The following SLC39A11 variants were observed in gnomAD, a reference collection of about 807,000 sequenced individuals.
SLC39A11 encodes the protein solute carrier family 39 member 11.
Under a neutral mutation model 36.1 loss-of-function variants are expected in SLC39A11, and 33 were observed. That is an observed-to-expected ratio of 0.91 (90% CI 0.69 to 1.22). The LOEUF is 1.22. Ranked by LOEUF, SLC39A11 falls within the 50% of genes most tolerant of loss-of-function variation. The pLI, the probability that SLC39A11 is intolerant of heterozygous loss-of-function variation, is 0.00. For synonymous variants in SLC39A11, 166 were observed against 170.3 expected (o/e 0.97, Z 0.20); for missense variants, 432 against 430.3 (o/e 1.00, Z -0.03).
intron 5 of SLC39A11, among the ~76,000 whole-genome samples, chr17:72,884,530 T>A (rs2081360147): frequency 6.6e-6 from 1 of 152,230 alleles, no homozygotes; most frequent in Non-Finnish European, 1.5e-5. Flanking sequence ...AGTCACCCCA[T>A]TAAATTTACC....
chr17:73,005,267 C>T (rs567764751), intron 4 of SLC39A11, among the ~76,000 whole-genome samples: 2 of 152,288 alleles, frequency 1.3e-5, no homozygotes, highest in East Asian at 1.9e-4. Context: ...CGTGAGCCAC[C>T]GTGCCCGGCC....
At chr17:72,809,697 T>C (rs368561230) in intron 6 of SLC39A11, among the ~76,000 whole-genome samples, 1 of 152,208 alleles carries the variant, frequency 6.6e-6, no homozygotes, top group Non-Finnish European at 1.5e-5. Flanking sequence ...CAGAAATGCA[T>C]GTGTTAAAAT....
intron 5 of SLC39A11, among the ~76,000 whole-genome samples, chr17:72,895,398 G>A (rs894099766): frequency 6.6e-6 from 1 of 152,138 alleles, no homozygotes; most frequent in African/African-American, 2.4e-5. Flanking sequence ...GGCCAACATG[G>A]TGAAACCTCA....
chr17:72,765,641 C>T (rs932789997), intron 6 of SLC39A11, among the ~76,000 whole-genome samples: 2 of 152,142 alleles, frequency 1.3e-5, no homozygotes, highest in African/African-American at 4.8e-5. Context: ...CTGGGCTGGA[C>T]AGTGCTGGGC....
chr17:73,014,546 A>G (rs2090703741), intron 4 of SLC39A11, among the ~76,000 whole-genome samples: 1 of 152,162 alleles, frequency 6.6e-6, no homozygotes, highest in African/African-American at 2.4e-5. Flanking sequence ...TATCCCAGCT[A>G]TTCAGGAGAC....
chr17:72,897,755 GAAAACAAAAACA>G (rs911551236), intron 5 of SLC39A11, among the ~76,000 whole-genome samples: 20 of 152,132 alleles, frequency 1.3e-4, no homozygotes, highest in African/African-American at 4.8e-4. Flanking sequence ...CTATTAGAGG[GAAAACAAAAACA>G]AAAACAAAAA....
At chr17:72,717,077 T>C (rs2073427670) in intron 7 of SLC39A11, among the ~76,000 whole-genome samples, 1 of 146,466 alleles carries the variant, frequency 6.8e-6, no homozygotes, top group South Asian at 2.1e-4. Context: ...CACATATAAG[T>C]ATATGTATAT....
intron 7 of SLC39A11, among the ~76,000 whole-genome samples, chr17:72,708,626 C>T (rs1250759316): frequency 6.6e-6 from 1 of 152,200 alleles, no homozygotes; most frequent in Non-Finnish European, 1.5e-5. Flanking sequence ...TTCAGGAAGA[C>T]CCATGGCCAC....
Position 72,966,417 on chromosome 17 carries a change from T to C in SLC39A11, c.307-18542A>G, listed in dbSNP as rs142931047. 2.0e-3 allele frequency among the ~76,000 whole-genome samples: 306 copies of C among 152,250 alleles called. 1 individual carries two copies. Among genetic ancestry groups the C allele is most frequent in the African/African-American group, 6.3e-3 (262 of 41,546 alleles). On this transcript the variant is annotated intron_variant, in intron 4 of 9. Coordinates refer to ENST00000255559, the MANE Select transcript of SLC39A11 (RefSeq NM_139177.4). ...TTAGCACATATACTCAGGTGAAAGA[T>C]GGGAATGTTCTGGAAGTGATAGTAG...
At chr17:72,984,456 A>G (rs9890176) in intron 4 of SLC39A11, among the ~76,000 whole-genome samples, 78,561 of 151,786 alleles carry the variant, frequency 0.52, 21,274 homozygotes, top group Middle Eastern at 0.69. Context: ...TGTGGGATAC[A>G]TGTAAAGCCC....
chr17:72,987,486 C>A lies in SLC39A11; in HGVS notation c.307-39611G>T, dbSNP rs144154305. ...TGTGACAGAAATAAGATGGAATGAA[C>A]AATTAATCCCACAATCTACTAAAGA... is the stretch of plus-strand genomic sequence containing the variant. On this transcript the variant is annotated intron_variant, in intron 4 of 9. Transcript: ENST00000255559. 9.8e-3 allele frequency among the ~76,000 whole-genome samples: 1,489 copies of A among 152,210 alleles called. 30 individuals carry two copies. The highest frequency in any genetic ancestry group is 0.034 in the African/African-American group (1,400 of 41,500).
chr17:72,715,872 T>C (rs942275370), intron 7 of SLC39A11, among the ~76,000 whole-genome samples: 8 of 152,052 alleles, frequency 5.3e-5, no homozygotes, highest in Non-Finnish European at 7.4e-5. Flanking sequence ...AATTTTTGTA[T>C]TTTGAGTAGA....
At chr17:72,755,004 C>T (rs2075315554) in intron 6 of SLC39A11, among the ~76,000 whole-genome samples, 1 of 152,220 alleles carries the variant, frequency 6.6e-6, no homozygotes, top group African/African-American at 2.4e-5. Context: ...TTACATGAAA[C>T]CTGCCTTTTT....
chr17:72,800,414 G>A (rs926845218), intron 6 of SLC39A11, among the ~76,000 whole-genome samples: 4 of 149,204 alleles, frequency 2.7e-5, no homozygotes, highest in African/African-American at 7.4e-5. Context: ...AGGTTCAAGC[G>A]ATTCTCCTGC....
chr17:72,991,675 T>A (rs1334875525), intron 4 of SLC39A11, among the ~76,000 whole-genome samples: 2 of 152,246 alleles, frequency 1.3e-5, no homozygotes, highest in Non-Finnish European at 2.9e-5. Flanking sequence ...CTTACTTTTT[T>A]AAATGGCTAC....
intron 3 of SLC39A11, chr17:73,068,295 T>A: frequency 3.1e-6 from 2 of 653,166 alleles, no homozygotes; most frequent in Non-Finnish European, 5.5e-6. Flanking sequence ...ACCATCTTGC[T>A]TGGAGAGACT....
In SLC39A11 at chr17:72,997,209, A is replaced by G. The variant is rs897553707; in HGVS notation, c.306+34347T>C. Among the ~76,000 whole-genome samples the G allele has an allele frequency of 4.6e-5, 7 of 152,144 alleles. No individual in the cohort carries two copies. The East Asian group carries it at 1.4e-3, about 29-fold the overall frequency. On this transcript the variant is annotated intron_variant, in intron 4 of 9. Transcript: ENST00000255559. ...AATGCATACACTTTGTGCCACAGCA[A>G]CAATGAACGAGCCGGCCTGCTGCAA... is the stretch of plus-strand genomic sequence containing the variant.
chr17:72,748,975 G>A (rs1333037538), intron 6 of SLC39A11, among the ~76,000 whole-genome samples: 1 of 152,188 alleles, frequency 6.6e-6, no homozygotes, highest in African/African-American at 2.4e-5. Flanking sequence ...CTGCCGAGCT[G>A]AGCACACACA....
chr17:72,945,577 G>A (rs1300511480), intron 5 of SLC39A11, among the ~76,000 whole-genome samples: 2 of 152,192 alleles, frequency 1.3e-5, no homozygotes, highest in African/African-American at 4.8e-5. Context: ...TCAAGAGATG[G>A]CTGGGAGATC....
Sources: allele counts gnomAD v4.1 joint callset (sites outside exome capture counted in the v4.1 genomes callset), GRCh38; gene constraint gnomAD v4.1.1; transcripts MANE v1.5; gene names NCBI Gene and HGNC (gene_info 2026-07-23, HGNC 2026-07-21).